The following CATSPERT variants were observed in gnomAD, a reference collection of about 807,000 sequenced individuals.
The protein encoded by CATSPERT is cation channel sperm-associated targeting subunit tau.
At chr2:201,545,149 T>G in the CATSPERT span, among the ~76,000 whole-genome samples, 1 of 152,072 alleles carries the variant, frequency 6.6e-6, no homozygotes, top group Admixed American at 6.6e-5. Context: ...GCAATTCTCC[T>G]GCCTCAGCCT....
the CATSPERT span, among the ~76,000 whole-genome samples, chr2:201,563,470 C>CCA: frequency 2.8e-3 from 1 of 356 alleles, no homozygotes; most frequent in Non-Finnish European, 7.5e-3. Flanking sequence ...GGGGGGCTGA[C>CCA]CCCCCACCTC....
At chr2:201,564,645 T>C in the CATSPERT span, among the ~76,000 whole-genome samples, 2 of 152,062 alleles carry the variant, frequency 1.3e-5, no homozygotes, top group African/African-American at 4.8e-5. Context: ...ATGAATGGGA[T>C]TGGTACTCTT....
At chr2:201,547,826 T>C in the CATSPERT span, among the ~76,000 whole-genome samples, 2 of 152,168 alleles carry the variant, frequency 1.3e-5, no homozygotes, top group Non-Finnish European at 2.9e-5. Context: ...AGGAGAGGGA[T>C]GTAACCTCAG....
the CATSPERT span, among the ~76,000 whole-genome samples, chr2:201,496,622 C>T: frequency 1.2e-4 from 19 of 152,282 alleles, 2 homozygotes; most frequent in African/African-American, 3.4e-4. Context: ...GGATTACAGG[C>T]GTGAGCCACC....
chr2:201,573,640 C>A, the CATSPERT span, among the ~76,000 whole-genome samples: 4 of 152,176 alleles, frequency 2.6e-5, no homozygotes, highest in African/African-American at 9.7e-5. Flanking sequence ...TATGTGTACA[C>A]ACAAATAAAA....
At chr2:201,517,053 T>C in the CATSPERT span, among the ~76,000 whole-genome samples, 1 of 151,934 alleles carries the variant, frequency 6.6e-6, no homozygotes, top group East Asian at 1.9e-4. Context: ...CATGCTGCTA[T>C]AGCTCTACCT....
At chr2:201,617,271 C>T in the CATSPERT span, among the ~76,000 whole-genome samples, 2 of 152,250 alleles carry the variant, frequency 1.3e-5, no homozygotes, top group African/African-American at 4.8e-5. Context: ...GCCAAAAGAA[C>T]AAAGCTGGAG....
At chr2:201,560,705 C>A in the CATSPERT span, among the ~76,000 whole-genome samples, 1 of 151,888 alleles carries the variant, frequency 6.6e-6, no homozygotes, top group African/African-American at 2.4e-5. Context: ...ATTCTTCAAA[C>A]AACCTGAACA....
At chr2:201,506,159 C>T in the CATSPERT span, among the ~76,000 whole-genome samples, 321 of 152,018 alleles carry the variant, frequency 2.1e-3, 4 homozygotes, top group Non-Finnish European at 5.0e-4. Context: ...CCCAGCTACT[C>T]GGGAGGCTGA....
chr2:201,604,595 G>T, the CATSPERT span: 4 of 1,506,656 alleles, frequency 2.7e-6, no homozygotes, highest in Non-Finnish European at 3.6e-6. Context: ...GGTTTTTGAG[G>T]GTTACTCATA....
chr2:201,503,549 C>T, the CATSPERT span, among the ~76,000 whole-genome samples: 3 of 152,094 alleles, frequency 2.0e-5, no homozygotes, highest in African/African-American at 7.2e-5. Flanking sequence ...GGGGCACCAC[C>T]ACACCTGGCT....
chr2:201,589,304 C>T, the CATSPERT span, among the ~76,000 whole-genome samples: 3 of 152,082 alleles, frequency 2.0e-5, no homozygotes, highest in Non-Finnish European at 4.4e-5. Flanking sequence ...CCAAAGCAAT[C>T]CTAAGCAAAA....
At chr2:201,567,068 A>T in the CATSPERT span, among the ~76,000 whole-genome samples, 1 of 152,218 alleles carries the variant, frequency 6.6e-6, no homozygotes, top group Admixed American at 6.5e-5. Flanking sequence ...CTTAAACTCT[A>T]TTCTATACTA....
the CATSPERT span, among the ~76,000 whole-genome samples, chr2:201,569,427 T>C: frequency 1.3e-5 from 2 of 152,226 alleles, no homozygotes; most frequent in Non-Finnish European, 2.9e-5. Context: ...AAGACTATTC[T>C]GATTGCTTCT....
At chr2:201,598,726 C>T in the CATSPERT span, among the ~76,000 whole-genome samples, 1 of 152,170 alleles carries the variant, frequency 6.6e-6, no homozygotes, top group African/African-American at 2.4e-5. Context: ...AGATTACAGG[C>T]ATGTGTCACC....
the CATSPERT span, among the ~76,000 whole-genome samples, chr2:201,617,424 C>T: frequency 6.6e-6 from 1 of 152,168 alleles, no homozygotes; most frequent in Non-Finnish European, 1.5e-5. Flanking sequence ...ACCATCCGAT[C>T]TTTGACAAAC....
the CATSPERT span, among the ~76,000 whole-genome samples, chr2:201,567,132 T>C: frequency 1.3e-5 from 2 of 152,182 alleles, no homozygotes; most frequent in African/African-American, 4.8e-5. Flanking sequence ...ACTCACGATT[T>C]TCCCCTTCTC....
chr2:201,600,167 C>G, the CATSPERT span, among the ~76,000 whole-genome samples: 2 of 152,148 alleles, frequency 1.3e-5, no homozygotes, highest in Non-Finnish European at 2.9e-5. Flanking sequence ...TTCACAATAG[C>G]AAAGACTTGG....
the CATSPERT span, chr2:201,565,927 A>T: frequency 6.8e-7 from 1 of 1,462,552 alleles, no homozygotes; most frequent in Admixed American, 2.1e-5. Flanking sequence ...CCACTTCCAA[A>T]ATCAGTGGCA....
Sources: allele counts gnomAD v4.1 joint callset (sites outside exome capture counted in the v4.1 genomes callset), GRCh38; gene constraint gnomAD v4.1.1; transcripts MANE v1.5; gene names NCBI Gene and HGNC (gene_info 2026-07-23, HGNC 2026-07-21).